Variants in LGR6 observed in about 807,000 individuals in gnomAD.
LGR6 encodes the protein leucine-rich repeat-containing G protein-coupled receptor 6.
In LGR6, 45 loss-of-function variants were observed where a neutral mutation model predicts 69.4. The observed-to-expected ratio is 0.65, with a 90% CI of 0.51 to 0.83. LGR6 has a LOEUF of 0.83. LGR6 is among the 40% of genes least tolerant of loss of function. The pLI is 0.00. For missense variants in LGR6, 1,108 were observed against 1,246.7 expected, an observed-to-expected ratio of 0.89 and a Z score of 1.68; for synonymous variants, 538 against 555.0, an observed-to-expected ratio of 0.97 and a Z score of 0.43.
intron 6 of LGR6, among the ~76,000 whole-genome samples, chr1:202,292,455 T>C (rs1258095165): frequency 6.6e-6 from 1 of 152,218 alleles, no homozygotes; most frequent in African/African-American, 2.4e-5. Context: ...GAGTGTGTCT[T>C]CTTGGCAGGT....
chr1:202,299,480 A>C (rs958573667), intron 7 of LGR6, among the ~76,000 whole-genome samples: 2 of 152,012 alleles, frequency 1.3e-5, no homozygotes, highest in Non-Finnish European at 2.9e-5. Flanking sequence ...GCAGGGACAA[A>C]AATATATGGG....
At chr1:202,264,207 G>A (rs943399310) in intron 4 of LGR6, among the ~76,000 whole-genome samples, 2 of 152,120 alleles carry the variant, frequency 1.3e-5, no homozygotes, top group African/African-American at 4.8e-5. Flanking sequence ...GGAACCCTGT[G>A]GGAAGCCATG....
At chr1:202,245,615 A>AC (rs1662594179) in intron 4 of LGR6, among the ~76,000 whole-genome samples, 1 of 152,054 alleles carries the variant, frequency 6.6e-6, no homozygotes. Context: ...TCTGCGCCCC[A>AC]CAGAGCTCAA....
At chr1:202,301,257 G>A in intron 9 of LGR6, 22 bp downstream of exon 9, 1 of 1,603,978 alleles carries the variant, frequency 6.2e-7, no homozygotes, top group Non-Finnish European at 8.5e-7. Flanking sequence ...CCTGAAGGCT[G>A]CTGCAGCCTG....
At chr1:202,275,203 A>G (rs902440455) in intron 4 of LGR6, among the ~76,000 whole-genome samples, 2 of 152,238 alleles carry the variant, frequency 1.3e-5, no homozygotes, top group Admixed American at 6.5e-5. Context: ...CTTAAATGCC[A>G]TATGGCTATG....
rs1177347690 is a variant in LGR6 at position 202,228,018 on chromosome 1, G to C, written c.356+11G>C. 17 of 1,592,958 alleles carry C rather than the reference G, an allele frequency of 1.1e-5. No homozygotes were observed. Among genetic ancestry groups the C allele is most frequent in the Non-Finnish European group, 1.4e-5 (16 of 1,161,062 alleles). Reference sequence around the variant, plus strand: ...CAGCCTGAAAATCCTGTAAGTATAGGTACACCTCATTTTACATAGAGCTGC... The same window carrying C: ...CAGCCTGAAAATCCTGTAAGTATAGCTACACCTCATTTTACATAGAGCTGC... On this transcript the variant is annotated intron_variant, in intron 3 of 17. Transcript: ENST00000367278.
chr1:202,224,329 A>G (rs932197187), intron 1 of LGR6, among the ~76,000 whole-genome samples: 1 of 152,138 alleles, frequency 6.6e-6, no homozygotes, highest in African/African-American at 2.4e-5. Flanking sequence ...GGACAGTGAC[A>G]CTGAAACCAC....
At chr1:202,195,128 G>T (rs940474377) in intron 1 of LGR6, among the ~76,000 whole-genome samples, 4 of 152,004 alleles carry the variant, frequency 2.6e-5, no homozygotes, top group Non-Finnish European at 4.4e-5. Flanking sequence ...GCCCAGCTCT[G>T]CAGGCTCTAT....
Position 202,193,931 on chromosome 1 carries a change from G to A in LGR6, c.-59G>A, listed in dbSNP as rs1260579270. ...CCGGGACCGGGAGGAAGCAGCTGCG[G>A]CCATCGCGCCGTGCGTCCGCGCCCG... On this transcript the variant is annotated 5_prime_UTR_variant, in exon 1 of 18. Transcript: ENST00000367278. The A allele has an allele frequency of 9.0e-6, 10 of 1,115,458 alleles. No homozygotes were observed. Among genetic ancestry groups the A allele is most frequent in the South Asian group, 2.4e-5 (1 of 40,872 alleles). 69.1% of individuals were successfully genotyped at this position (1,115,458 alleles called of 1,614,324 possible).
rs60849834 is a variant in LGR6, at chr1:202,280,629, G to A, written c.645-152G>A. 35 of 732,216 alleles carry A rather than the reference G, an allele frequency of 4.8e-5. No individual in the cohort carries two copies. The African/African-American group carries it at 5.7e-4, about 12-fold the overall frequency. 45.4% of individuals were successfully genotyped at this position (732,216 alleles called of 1,614,324 possible). Reference sequence around the variant, plus strand: ...TGGCTTCAGAAGTCAGTCTTGGCCAGTCAGTTTGTTCCTGGAAACAAACGG... The same window carrying A: ...TGGCTTCAGAAGTCAGTCTTGGCCAATCAGTTTGTTCCTGGAAACAAACGG... On this transcript the variant is annotated intron_variant, in intron 5 of 17. Coordinates refer to ENST00000367278, the MANE Select transcript of LGR6 (RefSeq NM_001017403.2).
intron 1 of LGR6, among the ~76,000 whole-genome samples, chr1:202,200,908 C>T (rs371896971): frequency 1.1e-4 from 16 of 152,302 alleles, no homozygotes; most frequent in African/African-American, 3.4e-4. Flanking sequence ...ATGGGCAGGC[C>T]GGCGGCTGGC....
chr1:202,277,205 A>G (rs1665630756), intron 5 of LGR6, among the ~76,000 whole-genome samples: 1 of 152,254 alleles, frequency 6.6e-6, no homozygotes, highest in Non-Finnish European at 1.5e-5. Context: ...AACATGGCTT[A>G]GGAACATGCA....
intron 5 of LGR6, 39 bp from the exon 6 acceptor site, chr1:202,280,742 G>T: frequency 6.3e-7 from 1 of 1,598,896 alleles, no homozygotes; most frequent in Non-Finnish European, 8.6e-7. Context: ...CCCCAGTGCC[G>T]TGGGCACCCA....
intron 1 of LGR6, among the ~76,000 whole-genome samples, chr1:202,198,596 G>A (rs1464701108): frequency 6.6e-6 from 1 of 152,146 alleles, no homozygotes; most frequent in Non-Finnish European, 1.5e-5. Context: ...GTGTGTAGTT[G>A]GGGGCTGTGA....
intron 6 of LGR6, among the ~76,000 whole-genome samples, chr1:202,297,128 C>T (rs565511645): frequency 6.6e-6 from 1 of 152,124 alleles, no homozygotes; most frequent in South Asian, 2.1e-4. Flanking sequence ...TTCTGGAATC[C>T]CTAGTGCTGG....
At chr1:202,234,150 G>T (rs893753579) in intron 3 of LGR6, among the ~76,000 whole-genome samples, 1 of 152,242 alleles carries the variant, frequency 6.6e-6, no homozygotes, top group Admixed American at 6.5e-5. Context: ...GAAAGGGGCT[G>T]AGCCCTCCAG....
chr1:202,214,320 G>C, intron 1 of LGR6: 1 of 1,311,804 alleles, frequency 7.6e-7, no homozygotes, highest in Non-Finnish European at 1.0e-6. Context: ...AGAAACCGAC[G>C]CGACGGGTGG....
At chr1:202,264,742 T>A (rs1375814117) in intron 4 of LGR6, among the ~76,000 whole-genome samples, 1 of 151,840 alleles carries the variant, frequency 6.6e-6, no homozygotes, top group Non-Finnish European at 1.5e-5. Flanking sequence ...TCCTGGAGGG[T>A]GGGTAATTAT....
chr1:202,224,610 ATTAG>A (rs1660382533), intron 1 of LGR6, among the ~76,000 whole-genome samples: 1 of 152,170 alleles, frequency 6.6e-6, no homozygotes, highest in Non-Finnish European at 1.5e-5. Context: ...ATCATCAGGC[ATTAG>A]TTAGAGTCTC....
Sources: gnomAD v4.1 joint callset for allele counts (sites outside exome capture counted in the v4.1 genomes callset) on GRCh38, gnomAD v4.1.1 for gene constraint, MANE v1.5 for transcripts, NCBI Gene and HGNC (gene_info 2026-07-23, HGNC 2026-07-21) for gene names.